PDE1C: variants seen among roughly 807,000 people sequenced by gnomAD.
The protein encoded by PDE1C is phosphodiesterase 1C, also known as dual specificity calcium/calmodulin-dependent 3',5'-cyclic nucleotide phosphodiesterase 1C.
In PDE1C, 62 loss-of-function variants were observed where a neutral mutation model predicts 93.1. The ratio of observed to expected loss-of-function variants is 0.67; its 90% CI spans 0.54 to 0.82. PDE1C has a LOEUF of 0.82. PDE1C is among the 40% of genes least tolerant of loss of function. The pLI, the probability that PDE1C is intolerant of heterozygous loss-of-function variation, is 0.00. For missense variants in PDE1C, 742 were observed against 884.6 expected (o/e 0.84, Z 2.04); for synonymous variants, 325 against 310.1 (o/e 1.05, Z -0.50).
chr7:32,182,599 AC>A (rs1340735818), intron 2 of PDE1C, among the ~76,000 whole-genome samples: 17 of 152,250 alleles, frequency 1.1e-4, no homozygotes, highest in African/African-American at 3.1e-4. Flanking sequence ...AAATTCAACA[AC>A]CCTTCATGCT....
chr7:32,073,586 T>A (rs1796182917), upstream of PDE1C, among the ~76,000 whole-genome samples: 2 of 152,158 alleles, frequency 1.3e-5, no homozygotes, highest in Admixed American at 1.3e-4. Context: ...ACTTTACAGA[T>A]GAGAAAACTG....
At chr7:31,845,399 T>A (rs1410504868) in intron 9 of PDE1C, among the ~76,000 whole-genome samples, 1 of 152,136 alleles carries the variant, frequency 6.6e-6, no homozygotes. Flanking sequence ...CTGAAGATTG[T>A]TGATGTTTTG....
chr7:32,148,052 A>C (rs941716852), intron 3 of PDE1C, among the ~76,000 whole-genome samples: 2 of 147,646 alleles, frequency 1.4e-5, no homozygotes, highest in East Asian at 2.2e-4. Context: ...ACTCAGTTAA[A>C]TGACATCATT....
intron 2 of PDE1C, among the ~76,000 whole-genome samples, chr7:31,969,416 G>C (rs1342660880): frequency 3.3e-5 from 5 of 152,278 alleles, no homozygotes; most frequent in African/African-American, 9.6e-5. Context: ...GGCCATCAGA[G>C]AAATGCAAAT....
intron 2 of PDE1C, among the ~76,000 whole-genome samples, chr7:31,948,855 C>T (rs1584134881): frequency 6.6e-6 from 1 of 152,158 alleles, no homozygotes; most frequent in Non-Finnish European, 1.5e-5. Flanking sequence ...AACTGGGGCA[C>T]AGCAAAAAGA....
intron 1 of PDE1C, among the ~76,000 whole-genome samples, chr7:32,222,270 G>T (rs150162268): frequency 7.2e-5 from 11 of 152,292 alleles, no homozygotes; most frequent in African/African-American, 2.6e-4. Flanking sequence ...AGATCAAAAT[G>T]CATCAAATAA....
intron 2 of PDE1C, among the ~76,000 whole-genome samples, chr7:32,033,924 A>T (rs1337882171): frequency 6.6e-6 from 1 of 152,188 alleles, no homozygotes; most frequent in Non-Finnish European, 1.5e-5. Flanking sequence ...CATTATCAGT[A>T]ATTTTCAAAT....
chr7:32,246,426 A>G (rs886657800), intron 1 of PDE1C, among the ~76,000 whole-genome samples: 3 of 152,190 alleles, frequency 2.0e-5, no homozygotes, highest in Admixed American at 6.5e-5. Flanking sequence ...CAAGCCAACT[A>G]GGTAATTTCA....
rs918051567 is a variant in PDE1C at position 31,875,107 on chromosome 7, T to A, written c.493-1699A>T. Among the ~76,000 whole-genome samples the A allele has an allele frequency of 2.0e-5, 3 of 152,196 alleles. No homozygotes were observed. The South Asian group carries it at 6.2e-4, about 31-fold the overall frequency. On this transcript the variant is annotated intron_variant, in intron 5 of 17. Transcript: ENST00000396191. ...TTAACCTAAGACCTAAAGCTTTACC[T>A]TGGTTACTATCATTGGCACTGCCAT...
chr7:32,055,443 G>A (rs534136838), intron 1 of PDE1C, among the ~76,000 whole-genome samples: 1 of 152,174 alleles, frequency 6.6e-6, no homozygotes, highest in South Asian at 2.1e-4. Context: ...CTTGCCTAAG[G>A]ATACAGAACC....
intron 1 of PDE1C, among the ~76,000 whole-genome samples, chr7:32,308,081 A>T (rs558288194): frequency 6.6e-6 from 1 of 152,360 alleles, no homozygotes; most frequent in South Asian, 2.1e-4. Flanking sequence ...AGGAGATTAT[A>T]TCCCGCACAT....
chr7:31,956,483 C>T (rs561670566), intron 2 of PDE1C, among the ~76,000 whole-genome samples: 3 of 150,826 alleles, frequency 2.0e-5, no homozygotes, highest in East Asian at 1.9e-4. Flanking sequence ...CATTATTGTT[C>T]GTTTTGTTTT....
chr7:32,335,980 A>G (rs215654), intron 1 of PDE1C, among the ~76,000 whole-genome samples: 144,820 of 152,162 alleles, frequency 0.95, 69,101 homozygotes, highest in East Asian at 1. Context: ...ATGAGTCACC[A>G]CACCTGGCCT....
At chr7:31,622,173 A>C in the PDE1C span, among the ~76,000 whole-genome samples, 4 of 134,998 alleles carry the variant, frequency 3.0e-5, no homozygotes, top group African/African-American at 5.5e-5. Context: ...TTAACACCCC[A>C]CTGTCAACAT....
chr7:31,892,990 C>A (rs761592551), intron 2 of PDE1C, among the ~76,000 whole-genome samples: 4 of 152,032 alleles, frequency 2.6e-5, no homozygotes, highest in Non-Finnish European at 5.9e-5. Flanking sequence ...ACTCCACAAT[C>A]TATATAGGTA....
intron 2 of PDE1C, among the ~76,000 whole-genome samples, chr7:32,198,844 G>A (rs758027879): frequency 3.3e-5 from 5 of 152,150 alleles, no homozygotes; most frequent in African/African-American, 4.8e-5. Context: ...TCAGCCGGGC[G>A]CAGTGGTTCA....
chr7:31,885,427 G>A (rs1797749951), intron 2 of PDE1C, among the ~76,000 whole-genome samples: 1 of 152,174 alleles, frequency 6.6e-6, no homozygotes, highest in Non-Finnish European at 1.5e-5. Context: ...CATTGTGGAT[G>A]AGCCATTGCA....
At chr7:31,910,036 T>C (rs1801040027) in intron 2 of PDE1C, among the ~76,000 whole-genome samples, 2 of 151,880 alleles carry the variant, frequency 1.3e-5, no homozygotes, top group African/African-American at 4.8e-5. Context: ...TCCTGGGAGG[T>C]CAAATCTCTC....
chr7:32,165,956 C>T (rs1181382789), intron 3 of PDE1C, among the ~76,000 whole-genome samples: 1 of 151,964 alleles, frequency 6.6e-6, no homozygotes, highest in Admixed American at 6.6e-5. Context: ...AACAATCCCC[C>T]CGGGTGATTG....
Sources: allele counts gnomAD v4.1 joint callset (sites outside exome capture counted in the v4.1 genomes callset), GRCh38; gene constraint gnomAD v4.1.1; transcripts MANE v1.5; gene names NCBI Gene and HGNC (gene_info 2026-07-23, HGNC 2026-07-21).